Variants in NR1H2 observed in about 807,000 individuals in gnomAD.
NR1H2 encodes the protein oxysterols receptor LXR-beta.
NR1H2 carries 33 observed loss-of-function variants against 51.2 expected under a neutral mutation model. The ratio of observed to expected loss-of-function variants is 0.64; its 90% CI spans 0.49 to 0.86. The LOEUF (loss-of-function observed/expected upper bound fraction) is 0.86, where lower values mean the gene tolerates loss of function less well. Among genes scored for constraint, NR1H2 ranks in the 40% least tolerant of loss-of-function variants. The pLI, the probability that NR1H2 is intolerant of heterozygous loss-of-function variation, is 0.00. For missense variants in NR1H2, 592 were observed against 639.9 expected (o/e 0.93, Z 0.81); for synonymous variants, 310 against 264.3 (o/e 1.17, Z -1.68).
intron 3 of NR1H2, 22 bp from the exon 4 acceptor site, chr19:50,377,711 C>T: frequency 6.2e-7 from 1 of 1,603,824 alleles, no homozygotes; most frequent in East Asian, 2.2e-5. Context: ...CTGTACCTCT[C>T]CCGGATTCCA....
chr19:50,377,854 C>G lies in NR1H2; in HGVS notation c.165C>G (p.Ala55=). The G allele has an allele frequency of 1.3e-6, 2 of 1,581,152 alleles. No individual in the cohort carries two copies. Among genetic ancestry groups the G allele is most frequent in the South Asian group, 1.1e-5 (1 of 87,334 alleles). The change falls in exon 4 of 10, where the codon GCC becomes GCG. Residue 55 remains alanine, a synonymous_variant. Transcript: ENST00000253727. The part of the protein sequence containing the change: ...DVPGTDEASS[A]CSTDWVIPDP... Reference sequence around the variant, plus strand: ...CAGGCACTGATGAGGCCAGCTCAGCCTGCAGCACAGACTGGGGTGAGACAG... The same window carrying G: ...CAGGCACTGATGAGGCCAGCTCAGCGTGCAGCACAGACTGGGGTGAGACAG...
Position 50,382,772 on chromosome 19 carries a change from C to T in NR1H2, c.*170C>T. ...CCAGGTCCAGGAGGCTCCCTCCCTG[C>T]CCAGCGAGTCTTCCAGAAGGGGTGA... On this transcript the variant is annotated 3_prime_UTR_variant, in exon 10 of 10. Transcript: ENST00000253727. 1.6e-6 allele frequency: 1 copy of T among 635,194 alleles called. No homozygotes were observed. 39.3% of individuals were successfully genotyped at this position (635,194 alleles called of 1,614,324 possible).
At position 50,382,044 on chromosome 19, in the gene NR1H2, A is replaced by C. The variant is rs772158040; in HGVS notation, c.1106A>C (p.Tyr369Ser). 16 of 1,562,274 alleles carry C rather than the reference A, an allele frequency of 1.0e-5. No individual in the cohort carries two copies. Among genetic ancestry groups the C allele is most frequent in the African/African-American group, 1.4e-5 (1 of 73,602 alleles). Residue 369 changes from tyrosine to serine, a missense_variant, in exon 9 of 10, where the codon TAC becomes TCC. By Grantham distance (144) the Tyr-to-Ser change is moderately radical (BLOSUM62 -2). Transcript: ENST00000253727. ...CGGCTGGGCCTGGACGACGCTGAGT[A>C]CGCCCTGCTCATCGCCATCAACATC... ...MRRLGLDDAEYALLIAINIFS... is the reference protein window; with the variant it reads ...MRRLGLDDAESALLIAINIFS...
At position 50,379,801 on chromosome 19, in the gene NR1H2, A is replaced by G; in HGVS notation, c.949A>G (p.Arg317Gly). Reference sequence around the variant, plus strand: ...TTAGATCATGCTGCTAGAGACAGCCAGGCGCTACAACCACGAGACAGAGTG... The same window carrying G: ...TTAGATCATGCTGCTAGAGACAGCCGGGCGCTACAACCACGAGACAGAGTG... ...TIEIMLLETA[R>G]RYNHETECIT... is the part of the protein sequence containing the mutation. The change falls in exon 8 of 10, where the codon AGG (arginine) becomes GGG (glycine). Residue 317 changes from arginine to glycine, a missense_variant. Coordinates refer to ENST00000253727, the MANE Select transcript of NR1H2 (RefSeq NM_007121.7). 1 of 1,613,890 alleles carries G rather than the reference A, an allele frequency of 6.2e-7. No individual in the cohort carries two copies. The highest frequency in any genetic ancestry group is 8.5e-7 in the Non-Finnish European group (1 of 1,179,772).
chr19:50,379,771 C>A lies in NR1H2; in HGVS notation c.928-9C>A. 6.2e-7 allele frequency: 1 copy of A among 1,600,174 alleles called. No individual in the cohort carries two copies. The highest frequency in any genetic ancestry group is 8.6e-7 in the Non-Finnish European group (1 of 1,167,400). On this transcript the variant is annotated splice_polypyrimidine_tract_variant and intron_variant, in intron 7 of 9. Coordinates refer to ENST00000253727, the MANE Select transcript of NR1H2 (RefSeq NM_007121.7). ...GGGCTCAAGCTCCCCCTCCCGCTGC[C>A]GCCCTTAGATCATGCTGCTAGAGAC...
Position 50,381,957 on chromosome 19 carries a change from GC to G in NR1H2, c.1028-5del. 1 of 1,547,146 alleles carries G rather than the reference GC, an allele frequency of 6.5e-7. No homozygotes were observed. The highest frequency in any genetic ancestry group is 8.7e-7 in the Non-Finnish European group (1 of 1,144,252). On this transcript the variant is annotated splice_region_variant and splice_polypyrimidine_tract_variant and intron_variant, in intron 8 of 9. Coordinates refer to ENST00000253727, the MANE Select transcript of NR1H2 (RefSeq NM_007121.7). ...CTGAGGGAGTCACGGGCTGCCTCCC[GC>G]CCCGCAGGCCTGCAGGTGGAGTTCA...
At chr19:50,381,439 A>G (rs1413765967) in intron 8 of NR1H2, among the ~76,000 whole-genome samples, 1 of 152,232 alleles carries the variant, frequency 6.6e-6, no homozygotes, top group African/African-American at 2.4e-5. Context: ...GCCCTCTGAC[A>G]GGCTGGGCCT....
At chr19:50,379,749 C>T (rs746501953) in intron 7 of NR1H2, 31 bp from the exon 8 acceptor site, 30 of 1,459,484 alleles carry the variant, frequency 2.1e-5, no homozygotes, top group Non-Finnish European at 2.7e-5. Flanking sequence ...GGTCACAGGG[C>T]TCAAGCTCCC....
intron 2 of NR1H2, 117 bp from the exon 3 acceptor site, chr19:50,377,470 T>G: frequency 2.7e-6 from 2 of 736,844 alleles, no homozygotes; most frequent in African/African-American, 3.7e-5. Flanking sequence ...GGGTTGTGGC[T>G]GAGAGTAGGG....
rs377257150 is a variant in NR1H2, at chr19:50,378,145, C to G, written c.182-4C>G. On this transcript the variant is annotated splice_polypyrimidine_tract_variant and splice_region_variant and intron_variant, in intron 4 of 9. Coordinates refer to ENST00000253727, the MANE Select transcript of NR1H2 (RefSeq NM_007121.7). ...TTCTCATGGCCTCTACCTACCCACCCCAGTCATCCCAGATCCCGAAGAGGA... is the reference window on the plus strand; with the variant it reads ...TTCTCATGGCCTCTACCTACCCACCGCAGTCATCCCAGATCCCGAAGAGGA... The G allele has an allele frequency of 1.4e-5, 22 of 1,605,340 alleles. No homozygotes were observed. In the African/African-American group the frequency reaches 1.5e-4, roughly 11 times the overall value.
Position 50,382,961 on chromosome 19 carries a change from T to G in NR1H2, c.*359T>G, listed in dbSNP as rs2037811041. On this transcript the variant is annotated 3_prime_UTR_variant, in exon 10 of 10. Coordinates refer to ENST00000253727, the MANE Select transcript of NR1H2 (RefSeq NM_007121.7). ...GCCTTCCTCTTCCTCTGCTTTTATT[T>G]AATAAAAACTAAAAACAGAAACAGG... 1.1e-5 allele frequency: 2 copies of G among 188,222 alleles called. No individual in the cohort carries two copies. The highest frequency in any genetic ancestry group is 2.2e-5 in the Non-Finnish European group (2 of 91,938). The allele number at this position is 188,222 out of a possible 1,614,324, so 11.7% of individuals were successfully genotyped here. A position where few individuals can be genotyped will look rare whatever the true frequency, so the allele number is the denominator to read the frequency against.
chr19:50,379,740 G>A (rs779484121), intron 7 of NR1H2, 40 bp from the exon 8 acceptor site: 4 of 1,332,770 alleles, frequency 3.0e-6, no homozygotes, highest in Non-Finnish European at 3.2e-6. Flanking sequence ...CAGCTGAAGG[G>A]TCACAGGGCT....
chr19:50,378,811 A>G lies in NR1H2; in HGVS notation c.747+15A>G, dbSNP rs371800047. 15 of 1,610,016 alleles carry G rather than the reference A, an allele frequency of 9.3e-6. No individual in the cohort carries two copies. The highest frequency in any genetic ancestry group is 1.3e-5 in the Non-Finnish European group (15 of 1,177,656). On this transcript the variant is annotated intron_variant, in intron 6 of 9. Coordinates refer to ENST00000253727, the MANE Select transcript of NR1H2 (RefSeq NM_007121.7). ...CCAAAGTCACGGTACTGCCCCCTCC[A>G]CAACCTTGAGTGTGACGGTCCCAAT... is the stretch of plus-strand genomic sequence containing the variant.
chr19:50,380,402 C>T (rs1391330859), intron 8 of NR1H2, among the ~76,000 whole-genome samples: 4 of 152,044 alleles, frequency 2.6e-5, no homozygotes, highest in African/African-American at 9.7e-5. Flanking sequence ...GAGCGCTAAC[C>T]TGCGTGGGTG....
chr19:50,379,299 T>C (rs2037726346), intron 7 of NR1H2, 118 bp downstream of exon 7: 2 of 1,123,250 alleles, frequency 1.8e-6, no homozygotes, highest in Middle Eastern at 2.1e-4. Flanking sequence ...GCGAATAGAG[T>C]CTTCTATGAG....
At chr19:50,381,606 G>A (rs894008897) in intron 8 of NR1H2, among the ~76,000 whole-genome samples, 3 of 152,208 alleles carry the variant, frequency 2.0e-5, no homozygotes, top group African/African-American at 7.2e-5. Flanking sequence ...GGAAGCCAGC[G>A]CTGGGACCAG....
chr19:50,379,729 G>T, intron 7 of NR1H2, 51 bp from the exon 8 acceptor site: 2 of 1,162,100 alleles, frequency 1.7e-6, no homozygotes, highest in Non-Finnish European at 2.6e-6. Flanking sequence ...GGAGGGACTA[G>T]CAGCTGAAGG....
chr19:50,380,329 G>A (rs988100577), intron 8 of NR1H2, among the ~76,000 whole-genome samples: 6 of 152,122 alleles, frequency 3.9e-5, no homozygotes, highest in Non-Finnish European at 8.8e-5. Flanking sequence ...GCTGGAGCTC[G>A]GTCCATTGTG....
intron 7 of NR1H2, among the ~76,000 whole-genome samples, 161 bp downstream of exon 7, chr19:50,379,342 G>C (rs1309157153): frequency 3.3e-5 from 5 of 152,192 alleles, no homozygotes; most frequent in Non-Finnish European, 5.9e-5. Context: ...GTCTGAGGCT[G>C]AGAAAATTGA....
Sources: allele counts gnomAD v4.1 joint callset (sites outside exome capture counted in the v4.1 genomes callset), GRCh38; gene constraint gnomAD v4.1.1; transcripts MANE v1.5; gene names NCBI Gene and HGNC (gene_info 2026-07-23, HGNC 2026-07-21).